The following PRELID2 variants were observed in gnomAD, a reference collection of about 807,000 sequenced individuals.
The protein encoded by PRELID2 is PRELI domain-containing protein 2.
A neutral mutation model predicts 28.4 loss-of-function variants in PRELID2; 25 were observed. The observed-to-expected ratio is 0.88, with a 90% CI of 0.64 to 1.23. PRELID2 has a LOEUF of 1.23. PRELID2 is among the 50% of genes most tolerant of loss of function. The pLI, the probability that PRELID2 is intolerant of heterozygous loss-of-function variation, is 0.00. For missense variants in PRELID2, 201 were observed against 214.4 expected (o/e 0.94, Z 0.39); for synonymous variants, 76 against 71.6 (o/e 1.06, Z -0.31).
intron 1 of PRELID2, among the ~76,000 whole-genome samples, chr5:145,824,463 T>TGTGTGTGTGTGTGTGTGTGTGTGTGA (rs373555427): frequency 6.3e-5 from 9 of 143,548 alleles, no homozygotes; most frequent in Non-Finnish European, 9.1e-5. Context: ...TGTGTGTGTG[T>TGTGTGTGTGTGTGTGTGTGTGTGTGA]GATATTGATT....
the PRELID2 span, among the ~76,000 whole-genome samples, chr5:145,285,441 G>T: frequency 6.6e-6 from 1 of 152,094 alleles, no homozygotes; most frequent in African/African-American, 2.4e-5. Context: ...GCAGAATTAA[G>T]CTTGACTTTT....
At chr5:145,465,860 C>T in the PRELID2 span, among the ~76,000 whole-genome samples, 1 of 152,110 alleles carries the variant, frequency 6.6e-6, no homozygotes, top group Admixed American at 6.6e-5. Flanking sequence ...CAGGCAAACC[C>T]AGGCAGCCTT....
At chr5:145,602,492 A>G (rs1753411889) in intron 1 of PRELID2, among the ~76,000 whole-genome samples, 1 of 152,170 alleles carries the variant, frequency 6.6e-6, no homozygotes, top group South Asian at 2.1e-4. Context: ...TGGGAAGACA[A>G]CAGACAACAG....
chr5:145,332,959 C>G, the PRELID2 span, among the ~76,000 whole-genome samples: 2 of 152,156 alleles, frequency 1.3e-5, no homozygotes, highest in South Asian at 4.2e-4. Flanking sequence ...TTTGTATGGA[C>G]GTCCTTTTTG....
At chr5:145,741,958 TTAAATAAATAAATTTATTTA>T (rs1756808242) in intron 1 of PRELID2, among the ~76,000 whole-genome samples, 2 of 11,350 alleles carry the variant, frequency 1.8e-4, no homozygotes, top group Non-Finnish European at 1.4e-3. Flanking sequence ...TTTATTATAA[TTAAATAAATAAATTTATTTA>T]ATTATAATAA....
At chr5:145,250,156 T>C in the PRELID2 span, among the ~76,000 whole-genome samples, 1 of 152,088 alleles carries the variant, frequency 6.6e-6, no homozygotes. Flanking sequence ...AAACCATTAC[T>C]CTTTAGAATT....
chr5:145,727,953 AAAAG>A (rs1756221791), intron 1 of PRELID2, among the ~76,000 whole-genome samples: 1 of 152,198 alleles, frequency 6.6e-6, no homozygotes, highest in African/African-American at 2.4e-5. Context: ...CACTGGAGAG[AAAAG>A]AAAGAGCATT....
the PRELID2 span, among the ~76,000 whole-genome samples, chr5:145,352,171 G>A: frequency 6.6e-6 from 1 of 152,178 alleles, no homozygotes; most frequent in Admixed American, 6.5e-5. Context: ...ACTATATGTG[G>A]AGGAGGGTCC....
chr5:145,752,634 T>A (rs533267913), downstream of PRELID2, among the ~76,000 whole-genome samples: 1 of 152,330 alleles, frequency 6.6e-6, no homozygotes, highest in Admixed American at 6.5e-5. Context: ...TTTTCCTCCA[T>A]CACCCTCATC....
the PRELID2 span, among the ~76,000 whole-genome samples, chr5:145,373,815 TATG>T: frequency 4.3e-5 from 4 of 92,002 alleles, no homozygotes; most frequent in East Asian, 3.9e-4. Context: ...ATATATTATA[TATG>T]ATATTATATA....
At chr5:145,383,333 TACAC>T in the PRELID2 span, among the ~76,000 whole-genome samples, 4 of 149,950 alleles carry the variant, frequency 2.7e-5, no homozygotes, top group Admixed American at 2.0e-4. Flanking sequence ...ATTTCATTTA[TACAC>T]ACACACACAC....
chr5:145,618,059 T>C (rs1161141370), intron 1 of PRELID2, among the ~76,000 whole-genome samples: 1 of 152,112 alleles, frequency 6.6e-6, no homozygotes, highest in East Asian at 1.9e-4. Context: ...TGTTATCTAT[T>C]TCATTGAATA....
At chr5:145,379,658 A>G in the PRELID2 span, among the ~76,000 whole-genome samples, 1 of 152,160 alleles carries the variant, frequency 6.6e-6, no homozygotes. Flanking sequence ...GATGGAGCAC[A>G]GACATACATA....
chr5:145,455,832 C>T, the PRELID2 span, among the ~76,000 whole-genome samples: 2 of 152,176 alleles, frequency 1.3e-5, no homozygotes, highest in Admixed American at 1.3e-4. Context: ...TGAGGCGACA[C>T]CCCTCCCTGT....
rs563983995 is a variant in PRELID2, at chr5:145,561,583, G to C, written n.71-88268C>G. ...GCACTATATAAGTCATTGAGTCCAT[G>C]CATGTCCTTGACAGAGGACAATTAG... On this transcript the variant is annotated intron_variant and non_coding_transcript_variant, in intron 1 of 2. Transcript: ENST00000510259. Among the ~76,000 whole-genome samples the C allele has an allele frequency of 2.0e-5, 3 of 152,210 alleles. No homozygotes were observed. The South Asian group carries it at 6.2e-4, about 32-fold the overall frequency.
intron 1 of PRELID2, among the ~76,000 whole-genome samples, chr5:145,510,809 T>G (rs1752454549): frequency 6.6e-6 from 1 of 152,210 alleles, no homozygotes; most frequent in Non-Finnish European, 1.5e-5. Context: ...CATCTAATCT[T>G]CAGCCTGAGG....
At chr5:145,742,981 T>C (rs1158116268) in intron 1 of PRELID2, among the ~76,000 whole-genome samples, 1 of 151,932 alleles carries the variant, frequency 6.6e-6, no homozygotes, top group African/African-American at 2.4e-5. Context: ...ATTGACCAAT[T>C]TCTCAAAAAA....
At position 145,773,464 on chromosome 5, in the gene PRELID2, G is replaced by C. The variant is rs74340511; in HGVS notation, c.475-8464C>G. Reference sequence around the variant, plus strand: ...CATATAATTTTATTTTTCCTCACTTGCACTTCATGCAAAATATGGCCTCTC... The same window carrying C: ...CATATAATTTTATTTTTCCTCACTTCCACTTCATGCAAAATATGGCCTCTC... On this transcript the variant is annotated intron_variant, in intron 5 of 6. Coordinates refer to ENST00000683046, the MANE Select transcript of PRELID2 (RefSeq NM_205846.3). Among the ~76,000 whole-genome samples the C allele has an allele frequency of 6.1e-3, 932 of 152,106 alleles. 13 individuals carry two copies. Among genetic ancestry groups the C allele is most frequent in the African/African-American group, 0.021 (866 of 41,484 alleles).
intron 6 of PRELID2, among the ~76,000 whole-genome samples, chr5:145,763,963 C>T (rs1043980126): frequency 6.6e-6 from 1 of 152,018 alleles, no homozygotes; most frequent in Non-Finnish European, 1.5e-5. Flanking sequence ...GTAGTTCCTG[C>T]CTCTCGGGAG....
Sources: gnomAD v4.1 joint callset for allele counts (sites outside exome capture counted in the v4.1 genomes callset) on GRCh38, gnomAD v4.1.1 for gene constraint, MANE v1.5 for transcripts, NCBI Gene and HGNC (gene_info 2026-07-23, HGNC 2026-07-21) for gene names.